The following SUPT7L variants were observed in gnomAD, a reference collection of about 807,000 sequenced individuals.
SUPT7L encodes the protein SPT7 like, STAGA complex subunit gamma, also known as STAGA complex 65 subunit gamma.
A neutral mutation model predicts 35.7 loss-of-function variants in SUPT7L; 15 were observed. The observed-to-expected ratio is 0.42, with a 90% CI of 0.28 to 0.65. The LOEUF is 0.65. Among genes scored for constraint, SUPT7L ranks in the 30% least tolerant of loss-of-function variants. The probability of loss-of-function intolerance (pLI) is 0.23; values close to 1 mark genes in which losing one functional copy is unlikely to be tolerated. For missense variants in SUPT7L, 434 were observed against 522.2 expected, an observed-to-expected ratio of 0.83 and a Z score of 1.65; for synonymous variants, 168 against 186.2, an observed-to-expected ratio of 0.90 and a Z score of 0.79.
At chr2:27,648,759 C>T (rs1320716468), downstream of SUPT7L, among the ~76,000 whole-genome samples, 3 of 152,152 alleles carry the variant, frequency 2.0e-5, no homozygotes, top group Non-Finnish European at 4.4e-5. Context: ...CTTCAGCCTC[C>T]AGAGTAGCTG....
In SUPT7L at chr2:27,653,326, G is replaced by A; in HGVS notation, c.*159C>T. The A allele has an allele frequency of 9.4e-7, 1 of 1,060,206 alleles. No homozygotes were observed. Among genetic ancestry groups the A allele is most frequent in the Admixed American group, 2.8e-5 (1 of 36,054 alleles). 65.7% of individuals were successfully genotyped at this position (1,060,206 alleles called of 1,614,324 possible). On this transcript the variant is annotated 3_prime_UTR_variant, in exon 6 of 6. Coordinates refer to ENST00000337768, the MANE Select transcript of SUPT7L (RefSeq NM_014860.3). ...TAAAAACTGGATGCAAAAGTAAAATGCAACCTTGTTTGGTGACGTCCAGTT... is the reference window on the plus strand; with the variant it reads ...TAAAAACTGGATGCAAAAGTAAAATACAACCTTGTTTGGTGACGTCCAGTT...
chr2:27,655,056 A>AT (rs1390251101), intron 5 of SUPT7L, among the ~76,000 whole-genome samples: 1 of 152,232 alleles, frequency 6.6e-6, no homozygotes, highest in African/African-American at 2.4e-5. Context: ...GAGGAAGGGG[A>AT]TATCTTCCCA....
downstream of SUPT7L, among the ~76,000 whole-genome samples, chr2:27,646,554 T>C (rs1040474333): frequency 1.3e-5 from 2 of 152,304 alleles, no homozygotes; most frequent in Admixed American, 6.5e-5. Context: ...TTAGTTTTCA[T>C]TTACAGCCCA....
chr2:27,650,445 A>T, downstream of SUPT7L: 1 of 291,104 alleles, frequency 3.4e-6, no homozygotes. Context: ...GGAAGGATAT[A>T]CTGAGCTGAT....
chr2:27,662,014 G>A (rs1045762059), intron 2 of SUPT7L, 165 bp downstream of exon 2: 7 of 864,948 alleles, frequency 8.1e-6, no homozygotes, highest in Non-Finnish European at 1.3e-5. Flanking sequence ...CTTCTAACTG[G>A]TATCCCTTCC....
In SUPT7L at chr2:27,653,536, C is replaced by A. The variant is rs370684780; in HGVS notation, c.1194G>T (p.Gly398=). The A allele has an allele frequency of 6.2e-7, 1 of 1,614,196 alleles. No individual in the cohort carries two copies. Among genetic ancestry groups the A allele is most frequent in the Non-Finnish European group, 8.5e-7 (1 of 1,180,044 alleles). ...AGCGCTGGTTGAAAACAGGGGAGGACCCCATGAGGCTGTCAGTGGAGTGGG... is the reference window on the plus strand; with the variant it reads ...AGCGCTGGTTGAAAACAGGGGAGGAACCCATGAGGCTGTCAGTGGAGTGGG... The part of the protein sequence containing the change: ...YGSHSTDSLM[G]SSPVFNQRCK... The change falls in exon 6 of 6, where the codon GGG becomes GGT. Residue 398 remains glycine (G), a synonymous_variant. Coordinates refer to ENST00000337768, the MANE Select transcript of SUPT7L (RefSeq NM_014860.3).
downstream of SUPT7L, among the ~76,000 whole-genome samples, chr2:27,648,348 A>G (rs1434933804): frequency 1.3e-5 from 2 of 151,850 alleles, no homozygotes; most frequent in African/African-American, 4.8e-5. Flanking sequence ...AGTTAGTCCC[A>G]CTCTCTACAA....
downstream of SUPT7L, chr2:27,647,741 G>C (rs757994603): frequency 1.2e-4 from 83 of 714,884 alleles, no homozygotes; most frequent in Non-Finnish European, 1.6e-4. Context: ...TGTATCATGA[G>C]CACTTTCATC....
intron 2 of SUPT7L, chr2:27,661,885 A>C: frequency 4.2e-6 from 2 of 473,156 alleles, no homozygotes; most frequent in Non-Finnish European, 7.6e-6. Context: ...GATAATAAGA[A>C]GTGGTTCTTA....
chr2:27,650,028 G>GTACTGT (rs1674448758), downstream of SUPT7L: 2 of 768,684 alleles, frequency 2.6e-6, no homozygotes, highest in Middle Eastern at 4.7e-4. Context: ...TAGAAGTAAT[G>GTACTGT]TACTGTTTTC....
chr2:27,661,050 A>AAAAGATTGT lies in SUPT7L; in HGVS notation c.352_353insACAATCTTT (p.Pro117_Leu118insTyrAsnLeu). ...TGGTGCATTGGGATTCTTACAATCTAAAGGCAGGAGGTCATCAGGGAGAGG... is the reference window on the plus strand; with the variant it reads ...TGGTGCATTGGGATTCTTACAATCTAAAAGATTGTAAGGCAGGAGGTCATCAGGGAGAGG... On this transcript the variant is annotated inframe_insertion, in exon 3 of 6. Coordinates refer to ENST00000337768, the MANE Select transcript of SUPT7L (RefSeq NM_014860.3). The AAAAGATTGT allele has an allele frequency of 6.2e-7, 1 of 1,614,172 alleles. No individual in the cohort carries two copies. Among genetic ancestry groups the AAAAGATTGT allele is most frequent in the Non-Finnish European group, 8.5e-7 (1 of 1,180,028 alleles).
rs1326385658 is a variant in SUPT7L at position 27,655,427 on chromosome 2, A to C, written c.920T>G (p.Leu307Arg). The change falls in exon 5 of 6, where the codon CTT (leucine) becomes CGT (arginine). Residue 307 changes from leucine (L) to arginine (R), a missense_variant. Leu to Arg is a moderately radical substitution (Grantham distance 102). Coordinates refer to ENST00000337768, the MANE Select transcript of SUPT7L (RefSeq NM_014860.3). ...TGGGAAGCGTTCGCTCTGAGCCCCA[A>C]GCACTCCCATAGGCAGTGACTGGTC... ...SGDQSLPMGV[L>R]GAQSERFPSN... is the part of the protein sequence containing the mutation. 6.2e-7 allele frequency: 1 copy of C among 1,613,016 alleles called. No individual in the cohort carries two copies. Among genetic ancestry groups the C allele is most frequent in the African/African-American group, 1.3e-5 (1 of 74,858 alleles).
the SUPT7L span, among the ~76,000 whole-genome samples, chr2:27,645,443 TTATC>T: frequency 3.4e-4 from 52 of 152,308 alleles, no homozygotes; most frequent in African/African-American, 1.1e-3. Context: ...AGTATCAACT[TTATC>T]TAGTTCCTTA....
chr2:27,644,786 C>T, the SUPT7L span, among the ~76,000 whole-genome samples: 5 of 137,130 alleles, frequency 3.6e-5, no homozygotes, highest in African/African-American at 1.1e-4. Context: ...TGGGCTCAAG[C>T]GATTTTTCCA....
In SUPT7L at chr2:27,653,393, G is replaced by C; in HGVS notation, c.*92C>G. The C allele has an allele frequency of 6.7e-7, 1 of 1,500,724 alleles. No individual in the cohort carries two copies. The highest frequency in any genetic ancestry group is 8.9e-7 in the Non-Finnish European group (1 of 1,126,296). 93.0% of individuals were successfully genotyped at this position (1,500,724 alleles called of 1,614,324 possible). A position where few individuals can be genotyped will look rare whatever the true frequency, so the allele number is the denominator to read the frequency against. On this transcript the variant is annotated 3_prime_UTR_variant, in exon 6 of 6. Transcript: ENST00000337768. ...AAACCACTTGTGTTTAAGAACAGGA[G>C]TCAAATCAATTTTTAAGGAAACAGA... is the stretch of plus-strand genomic sequence containing the variant.
At chr2:27,662,500 C>T (rs1210377967) in intron 1 of SUPT7L, among the ~76,000 whole-genome samples, 6 of 152,184 alleles carry the variant, frequency 3.9e-5, no homozygotes, top group African/African-American at 2.4e-5. Context: ...GCCAGAAATG[C>T]TCTGCCAACC....
chr2:27,645,101 A>G, the SUPT7L span, among the ~76,000 whole-genome samples: 1 of 151,958 alleles, frequency 6.6e-6, no homozygotes, highest in Non-Finnish European at 1.5e-5. Flanking sequence ...CAGAGTAGCT[A>G]GATCTACAGG....
In SUPT7L at chr2:27,653,490, T is replaced by G; in HGVS notation, c.1240A>C (p.Ile414Leu). 6.2e-7 allele frequency: 1 copy of G among 1,613,400 alleles called. No individual in the cohort carries two copies. The highest frequency in any genetic ancestry group is 2.2e-5 in the East Asian group (1 of 44,872). Residue 414 changes from isoleucine (I) to leucine (L), a missense_variant, in exon 6 of 6, where the codon ATA becomes CTA. This residue lies in a region of SUPT7L where 159 missense variants were observed against 217.1 expected (regional missense o/e 0.73). Transcript: ENST00000337768. ...NQRCKKRMRK[I>L] ...AACATCTCCCTCTTTTCCTTTTATATTTTCCTCATCCTCTTCTTGCAGCGC... is the reference window on the plus strand; with the variant it reads ...AACATCTCCCTCTTTTCCTTTTATAGTTTCCTCATCCTCTTCTTGCAGCGC...
In SUPT7L at chr2:27,651,786, C is replaced by T. The variant is rs891978619; in HGVS notation, c.*1699G>A. ...TGGATGAATGAACTAAATTCCCATA[C>T]GGCCACTTTATGGAAACTAACTGCC... On this transcript the variant is annotated 3_prime_UTR_variant, in exon 6 of 6. Coordinates refer to ENST00000337768, the MANE Select transcript of SUPT7L (RefSeq NM_014860.3). The T allele has an allele frequency of 5.3e-5, 8 of 152,212 alleles. No individual in the cohort carries two copies. The highest frequency in any genetic ancestry group is 2.0e-4 in the Admixed American group (3 of 15,272). 9.4% of individuals were successfully genotyped at this position (152,212 alleles called of 1,614,324 possible).
Sources: gnomAD v4.1 joint callset for allele counts (sites outside exome capture counted in the v4.1 genomes callset) on GRCh38, gnomAD v4.1.1 for gene constraint, gnomAD v4.1.1 regional missense constraint, MANE v1.5 for transcripts, NCBI Gene and HGNC (gene_info 2026-07-23, HGNC 2026-07-21) for gene names.